The following MAP3K20 variants were observed in gnomAD, a reference collection of about 807,000 sequenced individuals.
MAP3K20 encodes the protein HCCS-4.
A neutral mutation model predicts 85.7 loss-of-function variants in MAP3K20; 40 were observed. The ratio of observed to expected loss-of-function variants is 0.47; its 90% CI spans 0.36 to 0.61. The LOEUF (loss-of-function observed/expected upper bound fraction) is 0.61, where lower values mean the gene tolerates loss of function less well. MAP3K20 is among the 20% of genes least tolerant of loss of function. The pLI, the probability that MAP3K20 is intolerant of heterozygous loss-of-function variation, is 0.00. For missense variants in MAP3K20, 817 were observed against 961.7 expected, an observed-to-expected ratio of 0.85 and a Z score of 1.99; for synonymous variants, 325 against 327.7, an observed-to-expected ratio of 0.99 and a Z score of 0.09.
intron 19 of MAP3K20, among the ~76,000 whole-genome samples, chr2:173,264,153 TCAGA>T (rs1685359034): frequency 6.6e-6 from 1 of 152,144 alleles, no homozygotes. Context: ...ACTTACTGAA[TCAGA>T]ACTCTGGGGA....
At chr2:173,225,380 T>A (rs1468740790) in intron 11 of MAP3K20, 2 of 234,052 alleles carry the variant, frequency 8.5e-6, no homozygotes, top group African/African-American at 4.7e-5. Flanking sequence ...GATCACCTGA[T>A]GTCAGGGGTT....
intron 14 of MAP3K20, among the ~76,000 whole-genome samples, chr2:173,234,969 A>G (rs1684612759): frequency 6.6e-6 from 1 of 152,252 alleles, no homozygotes; most frequent in African/African-American, 2.4e-5. Context: ...ACTGCAGTGT[A>G]GCAAAAACGC....
chr2:173,229,835 T>A, intron 12 of MAP3K20, 102 bp downstream of exon 12: 1 of 1,299,284 alleles, frequency 7.7e-7, no homozygotes, highest in Non-Finnish European at 1.1e-6. Flanking sequence ...AAAGTCTAAC[T>A]AGGAGAGGTT....
chr2:173,183,811 A>G (rs989719310), intron 4 of MAP3K20, among the ~76,000 whole-genome samples: 3 of 152,210 alleles, frequency 2.0e-5, no homozygotes, highest in African/African-American at 7.2e-5. Flanking sequence ...CAAAGCAAAT[A>G]TAATGTGATT....
At chr2:173,111,612 A>G (rs1687976849) in intron 2 of MAP3K20, among the ~76,000 whole-genome samples, 1 of 152,194 alleles carries the variant, frequency 6.6e-6, no homozygotes, top group African/African-American at 2.4e-5. Context: ...AAGGTGAGAG[A>G]TGAGGATCCA....
intron 2 of MAP3K20, among the ~76,000 whole-genome samples, chr2:173,146,863 A>G (rs1689153522): frequency 6.6e-6 from 1 of 152,080 alleles, no homozygotes; most frequent in Non-Finnish European, 1.5e-5. Context: ...CCTTGCCAAC[A>G]CTTGTTATTC....
At chr2:173,247,407 GA>G (rs1684941986) in intron 16 of MAP3K20, among the ~76,000 whole-genome samples, 1 of 151,862 alleles carries the variant, frequency 6.6e-6, no homozygotes, top group Non-Finnish European at 1.5e-5. Flanking sequence ...AGGGCACAAA[GA>G]AAAGGATTTT....
intron 5 of MAP3K20, among the ~76,000 whole-genome samples, chr2:173,188,601 TGA>T (rs1387955584): frequency 1.3e-5 from 2 of 150,588 alleles, no homozygotes; most frequent in Non-Finnish European, 3.0e-5. Flanking sequence ...TTTGTGTGTG[TGA>T]GTGTGTGTGT....
intron 2 of MAP3K20, among the ~76,000 whole-genome samples, chr2:173,102,831 A>G (rs1472013000): frequency 6.6e-6 from 1 of 152,146 alleles, no homozygotes; most frequent in African/African-American, 2.4e-5. Flanking sequence ...CTTAAGAAAC[A>G]TATACTCATA....
chr2:173,246,439 C>T (rs1028553999), intron 16 of MAP3K20, among the ~76,000 whole-genome samples: 4 of 152,222 alleles, frequency 2.6e-5, no homozygotes, highest in African/African-American at 9.7e-5. Flanking sequence ...ACTTCATGCG[C>T]TCCCCAGGGT....
At chr2:173,129,595 T>A (rs1688549087) in intron 2 of MAP3K20, among the ~76,000 whole-genome samples, 1 of 152,222 alleles carries the variant, frequency 6.6e-6, no homozygotes, top group Non-Finnish European at 1.5e-5. Context: ...CCAGAGATCA[T>A]GCAGCAAATA....
At chr2:173,258,555 C>G (rs1483434687) in intron 16 of MAP3K20, 144 bp from the exon 17 acceptor site, 14 of 578,664 alleles carry the variant, frequency 2.4e-5, no homozygotes, top group Non-Finnish European at 3.6e-5. Flanking sequence ...AATCTAATTT[C>G]ATGTCCTTTT....
Position 173,096,589 on chromosome 2 carries a change from C to T in MAP3K20, c.159+5399C>T, listed in dbSNP as rs542674371. On this transcript the variant is annotated intron_variant, in intron 2 of 19. Coordinates refer to ENST00000375213, the MANE Select transcript of MAP3K20 (RefSeq NM_016653.3). ...TCCTGACCTCGTGCTCCACCCACCT[C>T]GGCCTCCCAAAGTGCTGGGATTACA... Among the ~76,000 whole-genome samples the T allele has an allele frequency of 1.4e-4, 21 of 152,258 alleles. No homozygotes were observed. The South Asian group carries it at 3.7e-3, about 27-fold the overall frequency.
At chr2:173,263,709 CT>C (rs761325269) in intron 18 of MAP3K20, 35 bp from the exon 19 acceptor site, 35 of 1,583,538 alleles carry the variant, frequency 2.2e-5, no homozygotes, top group Admixed American at 1.5e-4. Flanking sequence ...TTCTATTTGT[CT>C]TTTTTTTGTC....
At chr2:173,264,612 TAA>T (rs1685369972) in intron 19 of MAP3K20, among the ~76,000 whole-genome samples, 1 of 152,142 alleles carries the variant, frequency 6.6e-6, no homozygotes, top group Non-Finnish European at 1.5e-5. Context: ...TTAAACTAAT[TAA>T]AGTCGATCCC....
intron 16 of MAP3K20, among the ~76,000 whole-genome samples, chr2:173,253,834 G>C (rs1048798378): frequency 1.3e-5 from 2 of 152,142 alleles, no homozygotes; most frequent in Non-Finnish European, 2.9e-5. Flanking sequence ...TTGTGAGGCT[G>C]AGGCAGGAGG....
intron 2 of MAP3K20, among the ~76,000 whole-genome samples, chr2:173,167,161 C>G (rs1195121302): frequency 6.6e-6 from 1 of 151,866 alleles, no homozygotes; most frequent in Non-Finnish European, 1.5e-5. Flanking sequence ...GTGATCCACC[C>G]GCCTCGGCCT....
At chr2:173,211,653 AC>A (rs1683897967) in intron 10 of MAP3K20, 3 of 152,682 alleles carry the variant, frequency 2.0e-5, no homozygotes, top group Non-Finnish European at 4.4e-5. Flanking sequence ...ACAGTGGCTC[AC>A]GCCTGTAATC....
At chr2:173,091,616 T>C (rs577414366) in intron 2 of MAP3K20, among the ~76,000 whole-genome samples, 4 of 152,310 alleles carry the variant, frequency 2.6e-5, no homozygotes, top group South Asian at 4.1e-4. Flanking sequence ...TTTTAAAAGA[T>C]AAGACACTGT....
Sources: allele counts gnomAD v4.1 joint callset (sites outside exome capture counted in the v4.1 genomes callset), GRCh38; gene constraint gnomAD v4.1.1; transcripts MANE v1.5; gene names NCBI Gene and HGNC (gene_info 2026-07-23, HGNC 2026-07-21).